FHIT: variants seen among roughly 807,000 people sequenced by gnomAD.
FHIT encodes the protein bis(5'-adenosyl)-triphosphatase.
FHIT carries 19 observed loss-of-function variants against 17.9 expected under a neutral mutation model. That is an observed-to-expected ratio of 1.06 (90% CI 0.74 to 1.56). FHIT has a LOEUF of 1.56. Among genes scored for constraint, FHIT ranks in the 40% most tolerant of loss-of-function variants. The pLI, the probability that FHIT is intolerant of heterozygous loss-of-function variation, is 0.00. For synonymous variants in FHIT, 81 were observed against 69.7 expected (o/e 1.16, Z -0.81); for missense variants, 248 against 189.2 (o/e 1.31, Z -1.82).
chr3:60,085,907 T>C (rs913063974), intron 5 of FHIT, among the ~76,000 whole-genome samples: 2 of 152,194 alleles, frequency 1.3e-5, no homozygotes, highest in African/African-American at 2.4e-5. Context: ...CTGTGAGATT[T>C]TGCAATTAGG....
intron 5 of FHIT, among the ~76,000 whole-genome samples, chr3:60,448,802 T>A (rs1264149537): frequency 6.6e-6 from 1 of 152,308 alleles, no homozygotes; most frequent in South Asian, 2.1e-4. Flanking sequence ...TCTTCCCTAC[T>A]ACATCTCACT....
At chr3:61,168,254 G>C (rs1488875777) in intron 2 of FHIT, among the ~76,000 whole-genome samples, 1 of 152,190 alleles carries the variant, frequency 6.6e-6, no homozygotes, top group Non-Finnish European at 1.5e-5. Flanking sequence ...AGTTGTGAAA[G>C]AATCAGTAGG....
chr3:60,441,811 T>A (rs1576660272), intron 5 of FHIT, among the ~76,000 whole-genome samples: 1 of 117,956 alleles, frequency 8.5e-6, no homozygotes, highest in South Asian at 3.5e-4. Context: ...TATATATATA[T>A]ATATCAGGTC....
At chr3:60,476,484 G>T (rs1298522583) in intron 5 of FHIT, among the ~76,000 whole-genome samples, 2 of 152,190 alleles carry the variant, frequency 1.3e-5, no homozygotes, top group Admixed American at 6.5e-5. Flanking sequence ...CATGAGATGT[G>T]CAAGTAGCTC....
At chr3:61,126,598 C>A (rs1475354797) in intron 2 of FHIT, among the ~76,000 whole-genome samples, 1 of 152,158 alleles carries the variant, frequency 6.6e-6, no homozygotes, top group Non-Finnish European at 1.5e-5. Flanking sequence ...CCCCTCCCAA[C>A]TGGTATCTCC....
intron 8 of FHIT, among the ~76,000 whole-genome samples, chr3:59,819,214 G>A (rs1026023699): frequency 6.6e-6 from 1 of 152,186 alleles, no homozygotes; most frequent in Non-Finnish European, 1.5e-5. Flanking sequence ...ATTTGGGGAG[G>A]TTGCTCACAT....
At chr3:60,576,155 C>A (rs887696331) in intron 4 of FHIT, among the ~76,000 whole-genome samples, 84 of 151,988 alleles carry the variant, frequency 5.5e-4, no homozygotes, top group African/African-American at 2.0e-3. Context: ...TTACCCAACA[C>A]AAGGCTGTAT....
intron 3 of FHIT, among the ~76,000 whole-genome samples, chr3:60,955,511 C>A (rs1456241066): frequency 6.6e-6 from 1 of 151,330 alleles, no homozygotes; most frequent in Non-Finnish European, 1.5e-5. Flanking sequence ...CACTGACATA[C>A]AATAATTCTT....
chr3:59,952,161 C>T (rs974695553), intron 7 of FHIT, among the ~76,000 whole-genome samples: 4 of 152,120 alleles, frequency 2.6e-5, no homozygotes, highest in South Asian at 2.1e-4. Flanking sequence ...CTTAGTCTTG[C>T]GGATGTTTGA....
chr3:60,472,371 T>C (rs2033132294), intron 5 of FHIT, among the ~76,000 whole-genome samples: 1 of 142,844 alleles, frequency 7.0e-6, no homozygotes, highest in African/African-American at 2.5e-5. Flanking sequence ...AATGCTGTAT[T>C]TTTTTTTTTT....
chr3:60,315,973 A>G (rs1347530234), intron 5 of FHIT, among the ~76,000 whole-genome samples: 2 of 152,194 alleles, frequency 1.3e-5, no homozygotes, highest in African/African-American at 4.8e-5. Flanking sequence ...AAATTAAGCA[A>G]TTTATGATTT....
intron 2 of FHIT, among the ~76,000 whole-genome samples, chr3:61,157,489 G>A (rs558324263): frequency 6.6e-6 from 1 of 152,144 alleles, no homozygotes; most frequent in Non-Finnish European, 1.5e-5. Flanking sequence ...TGTAGCAAAG[G>A]AGAAAGTACC....
chr3:60,764,942 T>C (rs1699797724), intron 4 of FHIT, among the ~76,000 whole-genome samples: 1 of 152,154 alleles, frequency 6.6e-6, no homozygotes, highest in African/African-American at 2.4e-5. Flanking sequence ...ATAGAAACAT[T>C]TGCCTTTCCT....
At chr3:59,749,850 C>T (rs1700791058) in intron 9 of FHIT, 1 of 225,448 alleles carries the variant, frequency 4.4e-6, no homozygotes, top group Non-Finnish European at 8.8e-6. Flanking sequence ...CCATTATACT[C>T]CAGGTAATGA....
intron 5 of FHIT, among the ~76,000 whole-genome samples, chr3:60,431,895 A>G (rs1702921306): frequency 6.6e-6 from 1 of 152,072 alleles, no homozygotes; most frequent in Non-Finnish European, 1.5e-5. Flanking sequence ...TAGTTTTATT[A>G]GAGGAAACAT....
At chr3:59,939,636 T>C (rs528146248) in intron 7 of FHIT, among the ~76,000 whole-genome samples, 2 of 152,352 alleles carry the variant, frequency 1.3e-5, no homozygotes, top group East Asian at 1.9e-4. Context: ...ATGTGTCTTC[T>C]AGGCGTTGGC....
chr3:60,194,719 C>G (rs1702547231), intron 5 of FHIT, among the ~76,000 whole-genome samples: 1 of 152,100 alleles, frequency 6.6e-6, no homozygotes, highest in African/African-American at 2.4e-5. Flanking sequence ...CTGCTAGGAA[C>G]TCAAACAAAT....
At chr3:61,002,511 C>T (rs983502512) in intron 3 of FHIT, among the ~76,000 whole-genome samples, 4 of 152,144 alleles carry the variant, frequency 2.6e-5, no homozygotes, top group African/African-American at 7.2e-5. Flanking sequence ...ATCCTCCCAC[C>T]TCGGCCTCCC....
chr3:60,913,701 T>A (rs1242284021), intron 3 of FHIT, among the ~76,000 whole-genome samples: 1 of 152,222 alleles, frequency 6.6e-6, no homozygotes, highest in Non-Finnish European at 1.5e-5. Flanking sequence ...CATATGGTGT[T>A]GACTGGGGTA....
Sources: gnomAD v4.1 joint callset for allele counts (sites outside exome capture counted in the v4.1 genomes callset) on GRCh38, gnomAD v4.1.1 for gene constraint, MANE v1.5 for transcripts, NCBI Gene and HGNC (gene_info 2026-07-23, HGNC 2026-07-21) for gene names.